ACYP2: variants seen among roughly 807,000 people sequenced by gnomAD.
The protein encoded by ACYP2 is acylphosphatase-2.
Under a neutral mutation model 11.2 loss-of-function variants are expected in ACYP2, and 12 were observed. The ratio of observed to expected loss-of-function variants is 1.08; its 90% CI spans 0.69 to 1.74. The LOEUF is 1.74. Ranked by LOEUF, ACYP2 falls within the 40% of genes most tolerant of loss-of-function variation. The pLI, the probability that ACYP2 is intolerant of heterozygous loss-of-function variation, is 0.00. For missense variants in ACYP2, 134 were observed against 101.9 expected (o/e 1.31, Z -1.35); for synonymous variants, 43 against 32.2 (o/e 1.33, Z -1.13).
At chr2:54,264,002 G>A (rs1326456511) in intron 6 of ACYP2, among the ~76,000 whole-genome samples, 2 of 152,156 alleles carry the variant, frequency 1.3e-5, no homozygotes, top group Non-Finnish European at 2.9e-5. Flanking sequence ...GAATGAAACA[G>A]GCATGGATCT....
At chr2:54,116,880 A>G (rs1679840630) in intron 4 of ACYP2, among the ~76,000 whole-genome samples, 1 of 152,182 alleles carries the variant, frequency 6.6e-6, no homozygotes, top group Non-Finnish European at 1.5e-5. Context: ...GAGCAGGCGT[A>G]CGAGCTCAAG....
At chr2:54,189,687 A>G (rs1475695592) in intron 6 of ACYP2, among the ~76,000 whole-genome samples, 1 of 152,146 alleles carries the variant, frequency 6.6e-6, no homozygotes, top group Non-Finnish European at 1.5e-5. Flanking sequence ...AGATATCTTT[A>G]CAAGGTGGCA....
intron 4 of ACYP2, among the ~76,000 whole-genome samples, chr2:54,107,944 C>T (rs149244685): frequency 6.6e-6 from 1 of 152,178 alleles, no homozygotes; most frequent in African/African-American, 2.4e-5. Flanking sequence ...AACAATGCAT[C>T]CCCTGCCATC....
chr2:54,079,749 C>G (rs1378058270), intron 4 of ACYP2, among the ~76,000 whole-genome samples: 1 of 152,140 alleles, frequency 6.6e-6, no homozygotes, highest in Admixed American at 6.6e-5. Context: ...TTTGAGAGTT[C>G]TCTTTAAGAA....
intron 6 of ACYP2, among the ~76,000 whole-genome samples, chr2:54,161,716 G>A (rs979481522): frequency 2.0e-5 from 3 of 152,074 alleles, no homozygotes; most frequent in African/African-American, 7.2e-5. Flanking sequence ...TCTTTTACAT[G>A]AACAGTATTA....
intron 6 of ACYP2, among the ~76,000 whole-genome samples, chr2:54,301,956 C>A (rs1218087797): frequency 6.6e-6 from 1 of 152,118 alleles, no homozygotes; most frequent in African/African-American, 2.4e-5. Flanking sequence ...CACAAAGTGG[C>A]CATCCTCCCC....
In ACYP2 at chr2:54,014,032, C is replaced by G. The variant is rs187407270; in HGVS notation, c.63-36926C>G. On this transcript the variant is annotated intron_variant, in intron 2 of 6. Transcript: ENST00000607452. The stretch of plus-strand genomic sequence containing the variant: ...CATTAGCCGGGAGTGGTGGCAGGCA[C>G]TTGTAATCCCAGATACCCAGGAGGC... 8.0e-3 allele frequency among the ~76,000 whole-genome samples: 1,222 copies of G among 152,136 alleles called. 19 individuals carry two copies. The highest frequency in any genetic ancestry group is 0.027 in the African/African-American group (1,138 of 41,514).
intron 4 of ACYP2, among the ~76,000 whole-genome samples, chr2:54,067,029 G>A (rs1676786289): frequency 6.6e-6 from 1 of 152,180 alleles, no homozygotes; most frequent in African/African-American, 2.4e-5. Flanking sequence ...ACATGTCAGA[G>A]CCTCTGTCTC....
Position 54,038,981 on chromosome 2 carries a change from G to C in ACYP2, c.63-11977G>C, listed in dbSNP as rs137935491. The stretch of plus-strand genomic sequence containing the variant: ...ATATTTGAGGGAAGGAGTTGAGTGA[G>C]TGAATGAGTGAGTCATATCTGGGGG... On this transcript the variant is annotated intron_variant, in intron 2 of 6. Coordinates refer to ENST00000607452, the MANE Select transcript of ACYP2 (RefSeq NM_001320586.2). Among the ~76,000 whole-genome samples, 1,485 of 151,936 alleles carry C rather than the reference G, an allele frequency of 9.8e-3. 13 individuals are homozygous for C. Among genetic ancestry groups the C allele is most frequent in the Non-Finnish European group, 0.017 (1,171 of 67,956 alleles).
intron 4 of ACYP2, 141 bp downstream of exon 1, chr2:54,115,897 C>CGGGTGGGGGGGGGG (rs1433888849): frequency 8.8e-7 from 1 of 1,139,422 alleles, no homozygotes; most frequent in African/African-American, 2.2e-5. Flanking sequence ...GCAGCGGCGG[C>CGGGTGGGGGGGGGG]GGGGAGGGAG....
intron 1 of ACYP2, among the ~76,000 whole-genome samples, chr2:53,972,031 C>T (rs975718194): frequency 6.6e-6 from 1 of 152,226 alleles, no homozygotes; most frequent in Non-Finnish European, 1.5e-5. Context: ...CTCTGGCGGC[C>T]GGGCGCAGTG....
intron 4 of ACYP2, among the ~76,000 whole-genome samples, chr2:54,059,362 G>T (rs1471281869): frequency 1.3e-5 from 2 of 152,078 alleles, no homozygotes; most frequent in Non-Finnish European, 2.9e-5. Context: ...GGGATTACAG[G>T]CGCCTGCAAC....
At chr2:54,196,702 T>A (rs1684495711) in intron 6 of ACYP2, among the ~76,000 whole-genome samples, 1 of 152,210 alleles carries the variant, frequency 6.6e-6, no homozygotes, top group South Asian at 2.1e-4. Flanking sequence ...CACCCTCTAG[T>A]TGCAACTAGC....
chr2:54,161,321 G>A (rs142536524), intron 6 of ACYP2, among the ~76,000 whole-genome samples: 2 of 152,266 alleles, frequency 1.3e-5, no homozygotes, highest in East Asian at 3.9e-4. Flanking sequence ...TTGGGGGCTG[G>A]GACCCGTGCA....
intron 2 of ACYP2, among the ~76,000 whole-genome samples, chr2:53,993,844 G>A (rs887328146): frequency 6.6e-6 from 1 of 152,058 alleles, no homozygotes; most frequent in Non-Finnish European, 1.5e-5. Context: ...AGAAAGTTGA[G>A]AATTTGTAAA....
chr2:54,019,614 T>TATC (rs1247723024), intron 2 of ACYP2, among the ~76,000 whole-genome samples: 1 of 150,308 alleles, frequency 6.7e-6, no homozygotes, highest in Non-Finnish European at 1.5e-5. Flanking sequence ...GTGCTTTTAT[T>TATC]ATTATTATTA....
chr2:54,236,901 AT>A (rs1377421960), intron 6 of ACYP2, among the ~76,000 whole-genome samples: 1 of 152,170 alleles, frequency 6.6e-6, no homozygotes, highest in Non-Finnish European at 1.5e-5. Flanking sequence ...AAGTTTTATC[AT>A]TTTGAAATGC....
At chr2:54,159,212 T>C (rs1682593234) in intron 6 of ACYP2, among the ~76,000 whole-genome samples, 1 of 151,926 alleles carries the variant, frequency 6.6e-6, no homozygotes, top group Admixed American at 6.6e-5. Flanking sequence ...CAATACTGCC[T>C]GAGATCACCT....
chr2:54,186,609 G>A (rs1684011474), intron 6 of ACYP2, among the ~76,000 whole-genome samples: 1 of 152,086 alleles, frequency 6.6e-6, no homozygotes, highest in South Asian at 2.1e-4. Flanking sequence ...TGCCTCCCAG[G>A]TTCAAGTGAT....
Sources: allele counts gnomAD v4.1 joint callset (sites outside exome capture counted in the v4.1 genomes callset), GRCh38; gene constraint gnomAD v4.1.1; transcripts MANE v1.5; gene names NCBI Gene and HGNC (gene_info 2026-07-23, HGNC 2026-07-21).